Variants in RSRC1 observed in about 807,000 individuals in gnomAD.
RSRC1 encodes the protein serine/Arginine-related protein 53.
RSRC1 carries 39 observed loss-of-function variants against 49.1 expected under a neutral mutation model. The observed-to-expected ratio is 0.79, with a 90% CI of 0.61 to 1.04. The LOEUF is 1.04. Among genes scored for constraint, RSRC1 ranks in the 50% least tolerant of loss-of-function variants. The pLI is 0.00. For synonymous variants in RSRC1, 143 were observed against 130.8 expected, an observed-to-expected ratio of 1.09 and a Z score of -0.63; for missense variants, 388 against 402.4, an observed-to-expected ratio of 0.96 and a Z score of 0.31.
At chr3:158,234,373 T>C (rs1723126456) in intron 4 of RSRC1, among the ~76,000 whole-genome samples, 1 of 152,224 alleles carries the variant, frequency 6.6e-6, no homozygotes, top group Admixed American at 6.5e-5. Flanking sequence ...AATGATTATG[T>C]AAATTTTGTA....
chr3:158,433,767 GAACA>G (rs1268328826), intron 6 of RSRC1, among the ~76,000 whole-genome samples: 1 of 151,866 alleles, frequency 6.6e-6, no homozygotes, highest in Non-Finnish European at 1.5e-5. Flanking sequence ...AGAAAGAGAA[GAACA>G]AATATATCTC....
At chr3:158,518,140 A>ATTTTTT (rs1553820473) in intron 7 of RSRC1, among the ~76,000 whole-genome samples, 2 of 79,522 alleles carry the variant, frequency 2.5e-5, no homozygotes, top group Admixed American at 1.3e-4. Flanking sequence ...ATATATATAT[A>ATTTTTT]TATATATATT....
intron 6 of RSRC1, among the ~76,000 whole-genome samples, chr3:158,387,506 A>C (rs967996039): frequency 2.0e-5 from 3 of 152,174 alleles, no homozygotes; most frequent in Non-Finnish European, 4.4e-5. Context: ...ACTAGAATGC[A>C]TAACATAAGT....
chr3:158,460,874 A>G lies in RSRC1; in HGVS notation c.584-61A>G, dbSNP rs182969891. The G allele has an allele frequency of 7.0e-5, 78 of 1,119,700 alleles. No individual in the cohort carries two copies. The Admixed American group carries it at 1.9e-3, about 27-fold the overall frequency. The allele number at this position is 1,119,700 out of a possible 1,614,324, so 69.4% of individuals were successfully genotyped here. On this transcript the variant is annotated intron_variant, in intron 6 of 9. Transcript: ENST00000611884. Reference sequence around the variant, plus strand: ...AATGAATTTCTAGTCCCTTTAACCAATATTTTCACTTTGAATATAGGCATA... The same window carrying G: ...AATGAATTTCTAGTCCCTTTAACCAGTATTTTCACTTTGAATATAGGCATA...
intron 4 of RSRC1, among the ~76,000 whole-genome samples, chr3:158,294,073 G>C (rs996414933): frequency 6.6e-6 from 1 of 151,828 alleles, no homozygotes; most frequent in African/African-American, 2.4e-5. Flanking sequence ...TTTTATATCT[G>C]GGAAATCTCT....
intron 5 of RSRC1, among the ~76,000 whole-genome samples, chr3:158,298,542 T>C (rs1386853984): frequency 2.0e-5 from 3 of 152,128 alleles, no homozygotes; most frequent in Non-Finnish European, 4.4e-5. Context: ...TAAACTACAT[T>C]CAGATTTAGA....
At chr3:158,362,594 A>G (rs937831390) in intron 6 of RSRC1, among the ~76,000 whole-genome samples, 7 of 152,220 alleles carry the variant, frequency 4.6e-5, no homozygotes, top group Admixed American at 2.0e-4. Context: ...ATATGACATA[A>G]CCTGACTTTT....
At chr3:158,154,468 C>CTT (rs35111609) in intron 3 of RSRC1, among the ~76,000 whole-genome samples, 76 of 145,284 alleles carry the variant, frequency 5.2e-4, no homozygotes, top group East Asian at 1.8e-3. Context: ...GATCATAGAA[C>CTT]TTTTTTTTTT....
intron 3 of RSRC1, among the ~76,000 whole-genome samples, chr3:158,188,627 C>T (rs1013377923): frequency 5.9e-5 from 9 of 151,812 alleles, no homozygotes; most frequent in Non-Finnish European, 1.0e-4. Flanking sequence ...ATTTTATCTG[C>T]TTTTCTGGTT....
chr3:158,312,535 A>G (rs1559988014), intron 5 of RSRC1, among the ~76,000 whole-genome samples: 1 of 152,220 alleles, frequency 6.6e-6, no homozygotes, highest in Admixed American at 6.5e-5. Context: ...CTTGTAAATT[A>G]TAAGTTTTTA....
At chr3:158,460,596 T>C (rs7618252) in intron 6 of RSRC1, among the ~76,000 whole-genome samples, 13,133 of 151,874 alleles carry the variant, frequency 0.086, 1,947 homozygotes, top group African/African-American at 0.3. Flanking sequence ...CTCCAAAATT[T>C]AAAACAAATG....
chr3:158,427,789 A>G (rs903317552), intron 6 of RSRC1, among the ~76,000 whole-genome samples: 2 of 151,710 alleles, frequency 1.3e-5, no homozygotes, highest in African/African-American at 2.4e-5. Context: ...AGAATTTTAG[A>G]TAACATAATT....
chr3:158,509,021 C>G (rs1034800431), intron 7 of RSRC1, among the ~76,000 whole-genome samples: 1 of 152,148 alleles, frequency 6.6e-6, no homozygotes, highest in African/African-American at 2.4e-5. Context: ...AGTTTATCTG[C>G]TTATTTTTTG....
intron 4 of RSRC1, among the ~76,000 whole-genome samples, chr3:158,280,767 C>T (rs1664939636): frequency 6.6e-6 from 1 of 150,946 alleles, no homozygotes. Context: ...CTGCCTCAGC[C>T]TCCTGAGTAG....
chr3:158,380,185 T>G (rs1010528367), intron 6 of RSRC1, among the ~76,000 whole-genome samples: 2 of 152,240 alleles, frequency 1.3e-5, no homozygotes, highest in Admixed American at 6.5e-5. Context: ...ATGTCATTTT[T>G]AAGAAAAATA....
chr3:158,120,793 A>G (rs368970386), intron 1 of RSRC1, among the ~76,000 whole-genome samples: 5 of 150,326 alleles, frequency 3.3e-5, no homozygotes, highest in Admixed American at 2.0e-4. Context: ...CTTATTTTGA[A>G]TAAATATTAA....
intron 6 of RSRC1, among the ~76,000 whole-genome samples, chr3:158,418,454 T>C (rs570096652): frequency 6.6e-6 from 1 of 152,092 alleles, no homozygotes; most frequent in African/African-American, 2.4e-5. Context: ...CATTTCAGTC[T>C]TATATACTCT....
rs59953349 is a variant in RSRC1, at chr3:158,430,076, A to AAAAATAAAATAAAAT, written c.584-30841_584-30827dup. Among the ~76,000 whole-genome samples, 250 of 149,666 alleles carry AAAAATAAAATAAAAT rather than the reference A, an allele frequency of 1.7e-3. 4 individuals carry two copies. Among genetic ancestry groups the AAAAATAAAATAAAAT allele is most frequent in the African/African-American group, 5.9e-3 (239 of 40,500 alleles). ...TAATCATAAAAACCACACACACAAA[A>AAAAATAAAATAAAAT]AAAATAAAATAAAATAAAATAAAAT... On this transcript the variant is annotated intron_variant, in intron 6 of 9. Transcript: ENST00000611884.
chr3:158,501,696 C>T (rs1482730337), intron 7 of RSRC1, among the ~76,000 whole-genome samples: 1 of 152,146 alleles, frequency 6.6e-6, no homozygotes, highest in Non-Finnish European at 1.5e-5. Flanking sequence ...TGTCCATTTG[C>T]ATGAAATGCC....
Sources: allele counts gnomAD v4.1 joint callset (sites outside exome capture counted in the v4.1 genomes callset), GRCh38; gene constraint gnomAD v4.1.1; transcripts MANE v1.5; gene names NCBI Gene and HGNC (gene_info 2026-07-23, HGNC 2026-07-21).